KDM4B: variants seen among roughly 807,000 people sequenced by gnomAD.
KDM4B encodes the protein lysine-specific demethylase 4B.
In KDM4B, 32 loss-of-function variants were observed where a neutral mutation model predicts 125.2. The observed-to-expected ratio is 0.26, with a 90% CI of 0.19 to 0.34. The LOEUF is 0.34. Ranked by LOEUF, KDM4B falls within the 10% of genes least tolerant of loss-of-function variation. The probability of loss-of-function intolerance (pLI) is 1.00; values close to 1 mark genes in which losing one functional copy is unlikely to be tolerated. For synonymous variants in KDM4B, 721 were observed against 677.9 expected (o/e 1.06, Z -0.99); for missense variants, 1,190 against 1,577.7 (o/e 0.75, Z 4.16).
Position 5,114,037 on chromosome 19 carries a change from T to C in KDM4B, c.1115+3219T>C. On this transcript the variant is annotated intron_variant, in intron 10 of 22. Transcript: ENST00000159111. This position sits in a 1 kb window ranked among gnomAD's most constrained non-coding sequence, Gnocchi z 5.8. Reference sequence around the variant, plus strand: ...TGTTTGTATTCTTCCCCCTGATGGATGGGTCGCCTAAAACTGCAGCCTGGC... The same window carrying C: ...TGTTTGTATTCTTCCCCCTGATGGACGGGTCGCCTAAAACTGCAGCCTGGC... 7.8e-7 allele frequency: 1 copy of C among 1,284,702 alleles called. No individual in the cohort carries two copies. The highest frequency in any genetic ancestry group is 1.5e-5 in the African/African-American group (1 of 65,714). The allele number at this position is 1,284,702 out of a possible 1,614,324, so 79.6% of individuals were successfully genotyped here. A position where few individuals can be genotyped will look rare whatever the true frequency, so the allele number is the denominator to read the frequency against.
At chr19:5,124,563 A>G (rs1168326536) in intron 11 of KDM4B, among the ~76,000 whole-genome samples, 3 of 151,978 alleles carry the variant, frequency 2.0e-5, no homozygotes, top group Non-Finnish European at 2.9e-5. Context: ...GACTTGTTTT[A>G]CCCAACTGGC....
At chr19:5,045,360 T>G (rs1161907708) in intron 5 of KDM4B, among the ~76,000 whole-genome samples, 1 of 151,746 alleles carries the variant, frequency 6.6e-6, no homozygotes, top group Non-Finnish European at 1.5e-5. Flanking sequence ...TGGTGAGCTC[T>G]CTTCATGTCT....
intron 6 of KDM4B, among the ~76,000 whole-genome samples, chr19:5,070,109 C>G (rs900931272): frequency 6.6e-6 from 1 of 152,084 alleles, no homozygotes; most frequent in Non-Finnish European, 1.5e-5. Context: ...GAGTTGGGGT[C>G]GAGGATGGGA....
chr19:5,068,798 CTG>C (rs1269074330), intron 6 of KDM4B, among the ~76,000 whole-genome samples: 1 of 152,244 alleles, frequency 6.6e-6, no homozygotes, highest in African/African-American at 2.4e-5. Context: ...GTCCCGCAGT[CTG>C]TGCTTTCTGA....
intron 6 of KDM4B, among the ~76,000 whole-genome samples, chr19:5,066,017 G>A (rs930615192): frequency 3.3e-5 from 5 of 152,152 alleles, no homozygotes; most frequent in South Asian, 2.1e-4. Context: ...TGCTGCCTAC[G>A]TTGGGCCCAG....
chr19:5,033,172 T>C, intron 3 of KDM4B, 141 bp downstream of exon 3: 1 of 974,430 alleles, frequency 1.0e-6, no homozygotes, highest in South Asian at 1.6e-5. Flanking sequence ...CCAGCTCGTT[T>C]ACCAGCGCCT....
chr19:5,108,149 C>A (rs977059071), intron 9 of KDM4B, among the ~76,000 whole-genome samples: 1 of 152,236 alleles, frequency 6.6e-6, no homozygotes, highest in African/African-American at 2.4e-5. Flanking sequence ...CCCCCCTCCA[C>A]GGGTGCACAC....
At chr19:5,019,556 GTATTGGTGTGGA>G (rs2036019298) in intron 2 of KDM4B, among the ~76,000 whole-genome samples, 4 of 149,250 alleles carry the variant, frequency 2.7e-5, no homozygotes, top group Non-Finnish European at 4.5e-5. Context: ...TGGTGTGCAG[GTATTGGTGTGGA>G]TGTTGGTGTG....
In KDM4B at chr19:4,969,224, G is replaced by C. The variant is rs1369010601; in HGVS notation, c.-115G>C. 1 of 148,572 alleles carries C rather than the reference G, an allele frequency of 6.7e-6. No individual in the cohort carries two copies. The highest frequency in any genetic ancestry group is 2.0e-4 in the East Asian group (1 of 5,116). 9.2% of individuals were successfully genotyped at this position (148,572 alleles called of 1,614,324 possible). A position where few individuals can be genotyped will look rare whatever the true frequency, so the allele number is the denominator to read the frequency against. On this transcript the variant is annotated 5_prime_UTR_variant, in exon 1 of 23. Transcript: ENST00000159111. Reference sequence around the variant, plus strand: ...GCTCCCGGACCGGGCCGCGCACGCCGCCTCAGGTGAGCCCACGGGGAGGCC... The same window carrying C: ...GCTCCCGGACCGGGCCGCGCACGCCCCCTCAGGTGAGCCCACGGGGAGGCC...
At chr19:5,038,076 C>T (rs921441757) in intron 3 of KDM4B, among the ~76,000 whole-genome samples, 8 of 152,246 alleles carry the variant, frequency 5.3e-5, no homozygotes, top group South Asian at 2.1e-4. Context: ...CTTGGTGGCC[C>T]GGGGCGCGGA....
intron 18 of KDM4B, among the ~76,000 whole-genome samples, chr19:5,139,193 A>G (rs1035141572): frequency 6.6e-6 from 1 of 152,158 alleles, no homozygotes; most frequent in Non-Finnish European, 1.5e-5. Flanking sequence ...GGTAGCTGGG[A>G]TTACAGGCGC....
At chr19:5,106,854 C>T (rs1008896299) in intron 9 of KDM4B, among the ~76,000 whole-genome samples, 2 of 152,190 alleles carry the variant, frequency 1.3e-5, no homozygotes, top group Non-Finnish European at 2.9e-5. Context: ...GCAGTGAGAC[C>T]AGGATCTTAG....
chr19:5,127,043 C>T (rs1462995411), intron 11 of KDM4B, among the ~76,000 whole-genome samples: 1 of 152,204 alleles, frequency 6.6e-6, no homozygotes, highest in Non-Finnish European at 1.5e-5. Flanking sequence ...GGAGGAGTGG[C>T]CTCGCCACCA....
intron 9 of KDM4B, among the ~76,000 whole-genome samples, chr19:5,107,205 A>T (rs535537753): frequency 6.6e-6 from 1 of 152,260 alleles, no homozygotes; most frequent in Non-Finnish European, 1.5e-5. Context: ...GGCCATGTGT[A>T]TCACACCACA....
At chr19:5,120,100 T>C (rs926122627) in intron 11 of KDM4B, among the ~76,000 whole-genome samples, 5 of 152,218 alleles carry the variant, frequency 3.3e-5, no homozygotes, top group African/African-American at 1.2e-4. Flanking sequence ...CTCCCACCTG[T>C]AATCCTAGCA....
At chr19:5,119,936 G>A (rs2039330153) in intron 11 of KDM4B, 84 bp downstream of exon 11, 2 of 1,445,268 alleles carry the variant, frequency 1.4e-6, no homozygotes, top group African/African-American at 2.9e-5. Flanking sequence ...GCCTGCTACA[G>A]CCAGAGTCCC....
chr19:5,060,274 A>G (rs2037543168), intron 6 of KDM4B, among the ~76,000 whole-genome samples: 1 of 151,964 alleles, frequency 6.6e-6, no homozygotes, highest in South Asian at 2.1e-4. Flanking sequence ...CCCCGTCTCT[A>G]TTAAAAATAC....
At chr19:5,130,611 A>G (rs1416503959) in intron 11 of KDM4B, among the ~76,000 whole-genome samples, 1 of 152,272 alleles carries the variant, frequency 6.6e-6, no homozygotes, top group East Asian at 1.9e-4. Context: ...ACGTTTCTAC[A>G]TCAACAGTAG....
chr19:5,034,709 GTC>G (rs2036563466), intron 3 of KDM4B, among the ~76,000 whole-genome samples: 2 of 152,094 alleles, frequency 1.3e-5, no homozygotes, highest in South Asian at 4.1e-4. Context: ...AGTAGCCTTC[GTC>G]TCTCTCCTAG....
Sources: allele counts gnomAD v4.1 joint callset (sites outside exome capture counted in the v4.1 genomes callset), GRCh38; gene constraint gnomAD v4.1.1; non-coding constraint Gnocchi (gnomAD v3.1); transcripts MANE v1.5; gene names NCBI Gene and HGNC (gene_info 2026-07-23, HGNC 2026-07-21).